CEP78: variants seen among roughly 807,000 people sequenced by gnomAD.
CEP78 encodes the protein centrosomal protein 78.
Under a neutral mutation model 81.2 loss-of-function variants are expected in CEP78, and 76 were observed. That is an observed-to-expected ratio of 0.94 (90% confidence interval 0.78 to 1.13). CEP78 has a LOEUF of 1.13. Ranked by LOEUF, CEP78 falls within the 50% of genes most tolerant of loss-of-function variation. The pLI is 0.00. For synonymous variants in CEP78, 293 were observed against 301.4 expected (o/e 0.97, Z 0.29); for missense variants, 918 against 846.8 (o/e 1.08, Z -1.04).
At chr9:78,238,797 G>A (rs1826082142) in intron 1 of CEP78, among the ~76,000 whole-genome samples, 1 of 152,098 alleles carries the variant, frequency 6.6e-6, no homozygotes, top group Non-Finnish European at 1.5e-5. Context: ...GCTCACACTG[G>A]TAATCCTAAC....
intron 12 of CEP78, among the ~76,000 whole-genome samples, chr9:78,263,840 CTAATT>C (rs1411157766): frequency 6.6e-6 from 1 of 152,014 alleles, no homozygotes; most frequent in African/African-American, 2.4e-5. Flanking sequence ...ATTTCATTGT[CTAATT>C]TAAGGGAAAC....
At position 78,272,590 on chromosome 9, in the gene CEP78, G is replaced by A. The variant is rs548498880; in HGVS notation, c.*1739G>A. The A allele has an allele frequency of 2.8e-4, 42 of 152,310 alleles. No homozygotes were observed. Among genetic ancestry groups the A allele is most frequent in the African/African-American group, 9.9e-4 (41 of 41,558 alleles). The allele number at this position is 152,310 out of a possible 1,614,324, so 9.4% of individuals were successfully genotyped here. A position where few individuals can be genotyped will look rare whatever the true frequency, so the allele number is the denominator to read the frequency against. ...CTTATTCATGGGAAGGATACAGGTA[G>A]TGTTTGATTCTAGGTATTGATTGAA... On this transcript the variant is annotated 3_prime_UTR_variant, in exon 17 of 17. Coordinates refer to ENST00000643273, the MANE Select transcript of CEP78 (RefSeq NM_001330691.3).
At position 78,236,436 on chromosome 9, in the gene CEP78, T is replaced by C. The variant is rs1234635552; in HGVS notation, c.86T>C (p.Val29Ala). ...TACCTGTGCGCGCTGCAGAACTCGG[T>C]GCCGCTGCCCGCCGTGCGCGCCTGT... ...YEYLCALQNSVPLPAVRACLR... is the reference protein window; with the variant it reads ...YEYLCALQNSAPLPAVRACLR... The change falls in exon 1 of 17, where the codon GTG becomes GCG. Residue 29 changes from valine (V) to alanine (A), a missense_variant. Physicochemically the swap from Val to Ala is moderately conservative, Grantham distance 64. Coordinates refer to ENST00000643273, the MANE Select transcript of CEP78 (RefSeq NM_001330691.3). 2 of 1,602,358 alleles carry C rather than the reference T, an allele frequency of 1.2e-6. No individual in the cohort carries two copies. The highest frequency in any genetic ancestry group is 4.5e-5 in the East Asian group (2 of 44,420).
intron 16 of CEP78, among the ~76,000 whole-genome samples, chr9:78,269,506 G>A (rs1827644171): frequency 6.6e-6 from 1 of 152,226 alleles, no homozygotes; most frequent in African/African-American, 2.4e-5. Flanking sequence ...GAATTGTGGG[G>A]ACTGTCAAGG....
chr9:78,275,656 TGTG>T lies in CEP78; in HGVS notation c.*4810_*4812del, dbSNP rs1308832067. The T allele has an allele frequency of 3.4e-5, 5 of 147,956 alleles. No homozygotes were observed. The highest frequency in any genetic ancestry group is 1.3e-4 in the African/African-American group (5 of 39,812). The allele number at this position is 147,956 out of a possible 1,614,324, so 9.2% of individuals were successfully genotyped here. On this transcript the variant is annotated 3_prime_UTR_variant, in exon 17 of 17. Transcript: ENST00000643273. ...TTAGAAAAACTTTAAAGGGGCCAGGTGTGGTGGCTCATGTCTGTAATCCCAGCA... is the reference window on the plus strand; with the variant it reads ...TTAGAAAAACTTTAAAGGGGCCAGGTGTGGCTCATGTCTGTAATCCCAGCA...
Position 78,240,008 on chromosome 9 carries a change from T to C in CEP78, c.254-15T>C. 6.5e-7 allele frequency: 1 copy of C among 1,548,132 alleles called. No homozygotes were observed. Among genetic ancestry groups the C allele is most frequent in the Non-Finnish European group, 8.7e-7 (1 of 1,154,586 alleles). ...TATGATTGAAGTCACTAACTTTCTT[T>C]TATCTTTGTTTTAGGTTCTGACATG... On this transcript the variant is annotated splice_polypyrimidine_tract_variant and intron_variant, in intron 1 of 16. Transcript: ENST00000643273.
At position 78,277,774 on chromosome 9, in the gene CEP78, T is replaced by C. The variant is rs1827833449; in HGVS notation, c.*6923T>C. On this transcript the variant is annotated 3_prime_UTR_variant, in exon 17 of 17. Transcript: ENST00000643273. ...GTGCCCAAAGAGTCAGATACAAGAC[T>C]GTGTGAAGTGTTTTTTGAGATAATA... 6.6e-6 allele frequency: 1 copy of C among 152,164 alleles called. No individual in the cohort carries two copies. The allele number at this position is 152,164 out of a possible 1,614,324, so 9.4% of individuals were successfully genotyped here.
At position 78,243,454 on chromosome 9, in the gene CEP78, C is replaced by T. The variant is rs775073931; in HGVS notation, c.604-8C>T. 6.2e-6 allele frequency: 10 copies of T among 1,607,810 alleles called. No homozygotes were observed. Among genetic ancestry groups the T allele is most frequent in the Non-Finnish European group, 8.5e-6 (10 of 1,177,152 alleles). On this transcript the variant is annotated splice_region_variant and splice_polypyrimidine_tract_variant and intron_variant, in intron 4 of 16. Transcript: ENST00000643273. ...GTGTATTAATTTCATCTTATTAAATCTTTGAAGTATCAGACCATGAGAAGG... is the reference window on the plus strand; with the variant it reads ...GTGTATTAATTTCATCTTATTAAATTTTTGAAGTATCAGACCATGAGAAGG...
At chr9:78,241,532 CTTAT>C (rs1227831835) in intron 3 of CEP78, among the ~76,000 whole-genome samples, 160 bp from the exon 4 acceptor site, 1 of 152,068 alleles carries the variant, frequency 6.6e-6, no homozygotes, top group Non-Finnish European at 1.5e-5. Flanking sequence ...TTGTTACTGA[CTTAT>C]TTTAGAATGT....
At position 78,275,910 on chromosome 9, in the gene CEP78, CT is replaced by C. The variant is rs1827794329; in HGVS notation, c.*5060del. The C allele has an allele frequency of 6.6e-6, 1 of 152,264 alleles. No individual in the cohort carries two copies. Among genetic ancestry groups the C allele is most frequent in the Non-Finnish European group, 1.5e-5 (1 of 68,146 alleles). 9.4% of individuals were successfully genotyped at this position (152,264 alleles called of 1,614,324 possible). Reference sequence around the variant, plus strand: ...GCAGTGAGCTGTGATCATGCCACCACTGCTCTCTAGCCTGGGCAAGAGTGAG... The same window carrying C: ...GCAGTGAGCTGTGATCATGCCACCACGCTCTCTAGCCTGGGCAAGAGTGAG... On this transcript the variant is annotated 3_prime_UTR_variant, in exon 17 of 17. Transcript: ENST00000643273.
In CEP78 at chr9:78,279,242, GA is replaced by G. The variant is rs1434578323; in HGVS notation, c.*8395del. On this transcript the variant is annotated 3_prime_UTR_variant, in exon 17 of 17. Transcript: ENST00000643273. ...GTGAAGGCGGCTTTTATCTCCTTAA[GA>G]AAACAAGAAAACTCCACAAAATCTT... 2 of 152,078 alleles carry G rather than the reference GA, an allele frequency of 1.3e-5. 1 individual carries two copies. The highest frequency in any genetic ancestry group is 1.3e-4 in the Admixed American group (2 of 15,252). 9.4% of individuals were successfully genotyped at this position (152,078 alleles called of 1,614,324 possible).
intron 15 of CEP78, 119 bp downstream of exon 15, chr9:78,266,025 C>A: frequency 1.6e-6 from 1 of 628,080 alleles, no homozygotes; most frequent in Non-Finnish European, 3.0e-6. Flanking sequence ...CCACAGGAGT[C>A]CCCTGCTGCT....
chr9:78,236,636 C>T (rs752556378), intron 1 of CEP78, 33 bp downstream of exon 1: 4 of 1,514,938 alleles, frequency 2.6e-6, no homozygotes, highest in Non-Finnish European at 3.5e-6. Context: ...GCCCCTCAGT[C>T]GGTGCGGCGA....
intron 16 of CEP78, chr9:78,267,216 T>G (rs1587612104): frequency 2.5e-6 from 1 of 402,188 alleles, no homozygotes; most frequent in South Asian, 2.0e-5. Flanking sequence ...GGGGCTAGTA[T>G]GTATAATATC....
At chr9:78,241,822 A>G in intron 4 of CEP78, 23 bp downstream of exon 4, 3 of 1,287,380 alleles carry the variant, frequency 2.3e-6, no homozygotes, top group Admixed American at 3.6e-5. Flanking sequence ...TCCAACTTTC[A>G]TGAAAATGTG....
chr9:78,258,987 CA>C (rs1243865585), intron 11 of CEP78, among the ~76,000 whole-genome samples: 27 of 152,080 alleles, frequency 1.8e-4, no homozygotes, highest in African/African-American at 5.6e-4. Context: ...CGTTGGGACC[CA>C]ACAAGTCATC....
intron 10 of CEP78, 99 bp downstream of exon 10, chr9:78,253,376 A>T: frequency 1.4e-6 from 1 of 712,016 alleles, no homozygotes. Flanking sequence ...CGTAAGAAAC[A>T]TTTCCCTCCC....
intron 8 of CEP78, 61 bp downstream of exon 8, chr9:78,248,934 T>C (rs776073328): frequency 1.3e-6 from 1 of 779,990 alleles, no homozygotes. Context: ...AAAATTAAAA[T>C]CTCTTCTCAT....
intron 8 of CEP78, chr9:78,249,681 G>C (rs192794979): frequency 6.6e-6 from 1 of 151,138 alleles, no homozygotes; most frequent in African/African-American, 2.4e-5. Context: ...AACTTTTGTA[G>C]AACACATTAT....
Sources: allele counts gnomAD v4.1 joint callset (sites outside exome capture counted in the v4.1 genomes callset), GRCh38; gene constraint gnomAD v4.1.1; transcripts MANE v1.5; gene names NCBI Gene and HGNC (gene_info 2026-07-23, HGNC 2026-07-21).